Variants in DCC observed in about 807,000 individuals in gnomAD.
DCC encodes netrin receptor DCC.
Under a neutral mutation model 172.5 loss-of-function variants are expected in DCC, and 58 were observed. That is an observed-to-expected ratio of 0.34 (90% CI 0.27 to 0.42). The LOEUF (loss-of-function observed/expected upper bound fraction) is 0.42. Among genes scored for constraint, DCC ranks in the 10% least tolerant of loss-of-function variants. The pLI is 1.00. For missense variants in DCC, 1,740 were observed against 1,791.0 expected (o/e 0.97, Z 0.51); for synonymous variants, 709 against 644.5 (o/e 1.10, Z -1.52).
chr18:52,358,063 C>T (rs1431162672), intron 1 of DCC, among the ~76,000 whole-genome samples: 13 of 152,156 alleles, frequency 8.5e-5, no homozygotes, highest in Admixed American at 7.9e-4. Context: ...TGGCATTTCA[C>T]CTCTGTGATC....
intron 5 of DCC, among the ~76,000 whole-genome samples, chr18:53,035,547 T>C (rs2042081527): frequency 6.6e-6 from 1 of 152,078 alleles, no homozygotes; most frequent in Admixed American, 6.6e-5. Context: ...TTGAGAAGAA[T>C]ATAAAGGTTA....
rs572198589 is a variant in DCC at position 53,367,725 on chromosome 18, C to T, written c.2360-18318C>T. Among the ~76,000 whole-genome samples, 7 of 152,228 alleles carry T rather than the reference C, an allele frequency of 4.6e-5. No homozygotes were observed. The East Asian group carries it at 9.7e-4, about 21-fold the overall frequency. On this transcript the variant is annotated intron_variant, in intron 15 of 28. Coordinates refer to ENST00000442544, the MANE Select transcript of DCC (RefSeq NM_005215.4). Reference sequence around the variant, plus strand: ...GCAGCCACCACACTAATTTCCATCTCTATGATTTTGACTACTCTATACATC... The same window carrying T: ...GCAGCCACCACACTAATTTCCATCTTTATGATTTTGACTACTCTATACATC...
At chr18:53,202,783 A>G in intron 9 of DCC, among the ~76,000 whole-genome samples, 1 of 152,168 alleles carries the variant, frequency 6.6e-6, no homozygotes, top group East Asian at 1.9e-4. Context: ...AGAACAGATC[A>G]TTTACATTTC....
intron 8 of DCC, among the ~76,000 whole-genome samples, chr18:53,164,804 A>G (rs1017305782): frequency 7.9e-5 from 12 of 152,220 alleles, no homozygotes; most frequent in Non-Finnish European, 1.6e-4. Flanking sequence ...ACTCTTATTT[A>G]GAGAGGACTT....
At chr18:52,492,318 A>C (rs959471761) in intron 1 of DCC, among the ~76,000 whole-genome samples, 1 of 151,992 alleles carries the variant, frequency 6.6e-6, no homozygotes, top group Non-Finnish European at 1.5e-5. Context: ...GAATTAAAAT[A>C]GTTATTTTAA....
chr18:52,590,806 C>T (rs762635719), intron 1 of DCC, among the ~76,000 whole-genome samples: 3 of 152,196 alleles, frequency 2.0e-5, no homozygotes, highest in African/African-American at 7.2e-5. Context: ...AAGTAAGATA[C>T]ACAGATAAGT....
chr18:52,900,203 T>G (rs2039790535), intron 2 of DCC, among the ~76,000 whole-genome samples: 1 of 152,214 alleles, frequency 6.6e-6, no homozygotes, highest in Non-Finnish European at 1.5e-5. Context: ...ACTGAAGAGC[T>G]GCAAATAGGG....
chr18:52,559,715 A>C (rs1182042329), intron 1 of DCC, among the ~76,000 whole-genome samples: 1 of 152,100 alleles, frequency 6.6e-6, no homozygotes, highest in Non-Finnish European at 1.5e-5. Flanking sequence ...CTTAGAAAAA[A>C]AAAAGGGCCC....
At chr18:53,152,974 T>C (rs142185866) in intron 7 of DCC, among the ~76,000 whole-genome samples, 320 of 152,314 alleles carry the variant, frequency 2.1e-3, no homozygotes, top group Non-Finnish European at 4.0e-3. Context: ...AGACACTCCC[T>C]GAAGCCTAAG....
chr18:53,100,464 A>G (rs2043155144), intron 7 of DCC, among the ~76,000 whole-genome samples: 1 of 152,116 alleles, frequency 6.6e-6, no homozygotes, highest in Non-Finnish European at 1.5e-5. Context: ...AAACTGTTTC[A>G]GTGTTGAAGT....
At chr18:52,560,114 A>G (rs1217132226) in intron 1 of DCC, among the ~76,000 whole-genome samples, 1 of 152,232 alleles carries the variant, frequency 6.6e-6, no homozygotes, top group African/African-American at 2.4e-5. Context: ...TAAGCCAAGG[A>G]TCAGCAAACA....
intron 1 of DCC, among the ~76,000 whole-genome samples, chr18:52,462,579 C>T (rs149893645): frequency 0.011 from 1,669 of 152,140 alleles, 13 homozygotes; most frequent in Non-Finnish European, 0.016. Flanking sequence ...TTTGTGAGGC[C>T]GTCCCTGAGC....
At chr18:52,364,221 G>A (rs1003435357) in intron 1 of DCC, among the ~76,000 whole-genome samples, 1 of 152,122 alleles carries the variant, frequency 6.6e-6, no homozygotes, top group African/African-American at 2.4e-5. Flanking sequence ...AATGTTCATA[G>A]AATAAATTGC....
intron 1 of DCC, among the ~76,000 whole-genome samples, chr18:52,742,267 C>T (rs933965277): frequency 2.0e-5 from 3 of 151,622 alleles, no homozygotes; most frequent in African/African-American, 7.3e-5. Context: ...GGTCTTTGCT[C>T]AAGTCTTGCC....
intron 2 of DCC, among the ~76,000 whole-genome samples, chr18:52,832,756 A>G (rs549823750): frequency 2.0e-5 from 3 of 152,258 alleles, no homozygotes; most frequent in African/African-American, 7.2e-5. Flanking sequence ...TTGGCCATTG[A>G]CTTTGCAAAC....
chr18:52,484,775 C>T (rs1041105140), intron 1 of DCC, among the ~76,000 whole-genome samples: 3 of 150,584 alleles, frequency 2.0e-5, no homozygotes, highest in Non-Finnish European at 3.0e-5. Flanking sequence ...ATCAAACCTG[C>T]ACATCTCTCC....
rs114610713 is a variant in DCC, at chr18:52,930,223, C to T, written c.985+4853C>T. 3.5e-3 allele frequency among the ~76,000 whole-genome samples: 533 copies of T among 152,152 alleles called. 3 individuals carry two copies. The highest frequency in any genetic ancestry group is 0.012 in the African/African-American group (504 of 41,510). On this transcript the variant is annotated intron_variant, in intron 5 of 28. Transcript: ENST00000442544. The stretch of plus-strand genomic sequence containing the variant: ...GAAGTGATCCTGCCACCTTGGCCTC[C>T]CAAGGTTCTGGGATTACAGGCATGA...
intron 1 of DCC, among the ~76,000 whole-genome samples, chr18:52,467,986 G>A (rs1988837230): frequency 6.6e-6 from 1 of 152,036 alleles, no homozygotes; most frequent in Non-Finnish European, 1.5e-5. Context: ...AGTTCCTATA[G>A]AGCAGTGTTT....
At chr18:53,236,029 T>C (rs922480571) in intron 12 of DCC, among the ~76,000 whole-genome samples, 3 of 152,158 alleles carry the variant, frequency 2.0e-5, no homozygotes, top group African/African-American at 7.2e-5. Context: ...TCAAGGATAT[T>C]ACAGATAAAA....
Sources: allele counts gnomAD v4.1 joint callset (sites outside exome capture counted in the v4.1 genomes callset), GRCh38; gene constraint gnomAD v4.1.1; transcripts MANE v1.5; gene names NCBI Gene and HGNC (gene_info 2026-07-23, HGNC 2026-07-21).